The following C18orf32 variants were observed in gnomAD, a reference collection of about 807,000 sequenced individuals.
The protein encoded by C18orf32 is chromosome 18 open reading frame 32, also known as UPF0729 protein C18orf32.
Under a neutral mutation model 7.4 loss-of-function variants are expected in C18orf32, and 5 were observed. The ratio of observed to expected loss-of-function variants is 0.68; its 90% CI spans 0.35 to 1.42. The LOEUF is 1.42. Among genes scored for constraint, C18orf32 ranks in the 40% most tolerant of loss-of-function variants. C18orf32 has a pLI of 0.04. For missense variants in C18orf32, 88 were observed against 92.4 expected (o/e 0.95, Z 0.19); for synonymous variants, 30 against 29.3 (o/e 1.02, Z -0.08).
At chr18:49,483,856 G>A in intron 1 of C18orf32, 85 bp from the exon 2 acceptor site, 1 of 1,477,968 alleles carries the variant, frequency 6.8e-7, no homozygotes. Context: ...TCTGAAAGGG[G>A]ATAGATGTGG....
chr18:49,483,507 T>C, intron 2 of C18orf32, 77 bp downstream of exon 2: 4 of 1,474,072 alleles, frequency 2.7e-6, no homozygotes, highest in Non-Finnish European at 3.6e-6. Flanking sequence ...CTAAAACTTG[T>C]CCTTCCAAAA....
intron 1 of C18orf32, chr18:49,486,409 G>C (rs1041494290): frequency 6.6e-6 from 1 of 152,106 alleles, no homozygotes; most frequent in East Asian, 1.9e-4. Context: ...AAACTCTCGA[G>C]GACAAATACT....
Position 49,481,989 on chromosome 18 carries a change from G to T in C18orf32, c.*356C>A, listed in dbSNP as rs1413657905. 1 of 222,946 alleles carries T rather than the reference G, an allele frequency of 4.5e-6. No individual in the cohort carries two copies. The highest frequency in any genetic ancestry group is 8.8e-6 in the Non-Finnish European group (1 of 113,052). The allele number at this position is 222,946 out of a possible 1,614,324, so 13.8% of individuals were successfully genotyped here. ...TCCACTCAAATTAGAAGAGCCCAAAGAAATTAGAGCAAACAGCAAATTCAT... is the reference window on the plus strand; with the variant it reads ...TCCACTCAAATTAGAAGAGCCCAAATAAATTAGAGCAAACAGCAAATTCAT... On this transcript the variant is annotated 3_prime_UTR_variant, in exon 3 of 3. Transcript: ENST00000318240.
chr18:49,484,305 G>A lies in C18orf32; in HGVS notation c.-23-534C>T, dbSNP rs558840805. ...AAAAAGCTGCTATCTACAAGGTAAA[G>A]AAATAGGCCAGGTGCAGTGGCTCAT... On this transcript the variant is annotated intron_variant, in intron 1 of 2. Transcript: ENST00000318240. Among the ~76,000 whole-genome samples, 7 of 151,492 alleles carry A rather than the reference G, an allele frequency of 4.6e-5. No individual in the cohort carries two copies. The South Asian group carries it at 1.5e-3, about 32-fold the overall frequency.
In C18orf32 at chr18:49,487,056, G is replaced by C. The variant is rs1043691370; in HGVS notation, c.-37C>G. On this transcript the variant is annotated 5_prime_UTR_variant, in exon 1 of 3. Coordinates refer to ENST00000318240, the MANE Select transcript of C18orf32 (RefSeq NM_001035005.4). ...GAAGGAAGGTACCCTGAGAGCGAAG[G>C]CAGGCACCGCGGAGGCCGGCGGGCC... 3 of 153,680 alleles carry C rather than the reference G, an allele frequency of 2.0e-5. No individual in the cohort carries two copies. Among genetic ancestry groups the C allele is most frequent in the Non-Finnish European group, 4.3e-5 (3 of 69,380 alleles). The allele number at this position is 153,680 out of a possible 1,614,324, so 9.5% of individuals were successfully genotyped here. A position where few individuals can be genotyped will look rare whatever the true frequency, so the allele number is the denominator to read the frequency against.
intron 2 of C18orf32, among the ~76,000 whole-genome samples, chr18:49,482,712 C>A (rs888282422): frequency 1.4e-5 from 2 of 140,852 alleles, no homozygotes; most frequent in Non-Finnish European, 1.5e-5. Flanking sequence ...GGTGACAAAG[C>A]GAGACTTCAT....
chr18:49,485,571 A>AT (rs1387474280), intron 1 of C18orf32, among the ~76,000 whole-genome samples: 1 of 146,832 alleles, frequency 6.8e-6, no homozygotes, highest in Non-Finnish European at 1.5e-5. Flanking sequence ...AAAAAAAATA[A>AT]AAATAAAATA....
At chr18:49,485,280 C>T (rs1259885467) in intron 1 of C18orf32, among the ~76,000 whole-genome samples, 1 of 151,758 alleles carries the variant, frequency 6.6e-6, no homozygotes. Flanking sequence ...TGAGGCTGGG[C>T]GCGGTGGCTC....
At chr18:49,483,531 C>A in intron 2 of C18orf32, 53 bp downstream of exon 2, 2 of 1,503,970 alleles carry the variant, frequency 1.3e-6, no homozygotes, top group Non-Finnish European at 1.8e-6. Context: ...AGTGTTTCAC[C>A]CAAGTACCAC....
At position 49,477,929 on chromosome 18, in the gene C18orf32, C is replaced by CTATA. The variant is rs1218797932; in HGVS notation, c.*4412_*4415dup. On this transcript the variant is annotated 3_prime_UTR_variant, in exon 3 of 3. Transcript: ENST00000318240. ...TATATACACTATATATATATACACACTATATATATATATACACTATATATA... is the reference window on the plus strand; with the variant it reads ...TATATACACTATATATATATACACACTATATATATATATATATACACTATATATA... The CTATA allele has an allele frequency of 3.0e-4, 41 of 135,524 alleles. 3 individuals are homozygous for CTATA. The highest frequency in any genetic ancestry group is 1.2e-3 in the African/African-American group (40 of 33,214). The allele number at this position is 135,524 out of a possible 1,614,324, so 8.4% of individuals were successfully genotyped here.
Position 49,482,412 on chromosome 18 carries a change from TA to T in C18orf32, c.166-3del. The T allele has an allele frequency of 6.2e-7, 1 of 1,606,904 alleles. No homozygotes were observed. ...TGGTAATCCATTCATGTCTGCACCC[TA>T]AAATGAAAAAACATTTTAGAAATTA... On this transcript the variant is annotated splice_polypyrimidine_tract_variant and splice_region_variant and intron_variant, in intron 2 of 2. Transcript: ENST00000318240.
In C18orf32 at chr18:49,484,201, C is replaced by CACACACACATACAT. The variant is rs56983810; in HGVS notation, c.-23-431_-23-430insATGTATGTGTGTGT. Among the ~76,000 whole-genome samples, 19 of 117,802 alleles carry CACACACACATACAT rather than the reference C, an allele frequency of 1.6e-4. 1 individual carries two copies. The highest frequency in any genetic ancestry group is 7.5e-4 in the East Asian group (3 of 4,010). The allele number at this position is 117,802 out of a possible 152,430, so 77.3% of individuals were successfully genotyped here. ...ACACACACACACACACACACACACA[C>CACACACACATACAT]GAAAGGACTATTTCTACAGTGTAGG... On this transcript the variant is annotated intron_variant, in intron 1 of 2. Transcript: ENST00000318240.
intron 1 of C18orf32, chr18:49,484,525 C>G (rs957400883): frequency 2.0e-5 from 3 of 152,048 alleles, no homozygotes; most frequent in Non-Finnish European, 2.9e-5. Context: ...GAGGCAGAGG[C>G]TGCAGTGAGC....
chr18:49,483,918 C>T, intron 1 of C18orf32, 147 bp from the exon 2 acceptor site: 1 of 949,092 alleles, frequency 1.1e-6, no homozygotes, highest in Non-Finnish European at 1.5e-6. Context: ...ATAGCTTGAG[C>T]CCAGGAGTTT....
Position 49,480,219 on chromosome 18 carries a change from G to A in C18orf32, c.*2126C>T, listed in dbSNP as rs1241538721. 1 of 152,996 alleles carries A rather than the reference G, an allele frequency of 6.5e-6. No individual in the cohort carries two copies. The highest frequency in any genetic ancestry group is 1.5e-5 in the Non-Finnish European group (1 of 68,686). The allele number at this position is 152,996 out of a possible 1,614,324, so 9.5% of individuals were successfully genotyped here. ...TGTAGTCCTAGCAATTCAGGAGGCT[G>A]AGGTGGGAGGATCACTTGAGCCCAG... On this transcript the variant is annotated 3_prime_UTR_variant, in exon 3 of 3. Transcript: ENST00000318240.
Position 49,481,663 on chromosome 18 carries a change from G to A in C18orf32, c.*682C>T, listed in dbSNP as rs757498878. On this transcript the variant is annotated 3_prime_UTR_variant, in exon 3 of 3. Coordinates refer to ENST00000318240, the MANE Select transcript of C18orf32 (RefSeq NM_001035005.4). Reference sequence around the variant, plus strand: ...GACTTTAAAAGAAAATGAACTACCAGTTAAACTGAATGTTTAATACATTTG... The same window carrying A: ...GACTTTAAAAGAAAATGAACTACCAATTAAACTGAATGTTTAATACATTTG... 2 of 152,168 alleles carry A rather than the reference G, an allele frequency of 1.3e-5. No homozygotes were observed. The highest frequency in any genetic ancestry group is 2.4e-5 in the African/African-American group (1 of 41,426). 9.4% of individuals were successfully genotyped at this position (152,168 alleles called of 1,614,324 possible). A position where few individuals can be genotyped will look rare whatever the true frequency, so the allele number is the denominator to read the frequency against.
rs1164852694 is a variant in C18orf32, at chr18:49,479,212, A to C, written c.*3133T>G. ...AAAATTATCCATACTCAACCTCCTAAAAGTATTGAATTAGAAAACTGCTGT... is the reference window on the plus strand; with the variant it reads ...AAAATTATCCATACTCAACCTCCTACAAGTATTGAATTAGAAAACTGCTGT... On this transcript the variant is annotated 3_prime_UTR_variant, in exon 3 of 3. Coordinates refer to ENST00000318240, the MANE Select transcript of C18orf32 (RefSeq NM_001035005.4). The C allele has an allele frequency of 6.6e-6, 1 of 152,196 alleles. No individual in the cohort carries two copies. Among genetic ancestry groups the C allele is most frequent in the Non-Finnish European group, 1.5e-5 (1 of 68,050 alleles). The allele number at this position is 152,196 out of a possible 1,614,324, so 9.4% of individuals were successfully genotyped here.
In C18orf32 at chr18:49,487,174, C is replaced by T. The variant is rs901476006; in HGVS notation, c.-155G>A. ...CTGGGCCTGCGGAGCAGCTACAAAG[C>T]CCAACCCAGGCCGCTAGCCCGGGCA... On this transcript the variant is annotated 5_prime_UTR_variant, in exon 1 of 3. Coordinates refer to ENST00000318240, the MANE Select transcript of C18orf32 (RefSeq NM_001035005.4). 6.6e-6 allele frequency: 1 copy of T among 152,626 alleles called. No individual in the cohort carries two copies. The highest frequency in any genetic ancestry group is 1.5e-5 in the Non-Finnish European group (1 of 68,304). The allele number at this position is 152,626 out of a possible 1,614,324, so 9.5% of individuals were successfully genotyped here. A position where few individuals can be genotyped will look rare whatever the true frequency, so the allele number is the denominator to read the frequency against.
intron 2 of C18orf32, 84 bp downstream of exon 2, chr18:49,483,500 A>C: frequency 1.4e-6 from 2 of 1,462,028 alleles, no homozygotes; most frequent in South Asian, 2.9e-5. Flanking sequence ...TCTGGTTCTA[A>C]AACTTGTCCT....
Sources: allele counts gnomAD v4.1 joint callset (sites outside exome capture counted in the v4.1 genomes callset), GRCh38; gene constraint gnomAD v4.1.1; transcripts MANE v1.5; gene names NCBI Gene and HGNC (gene_info 2026-07-23, HGNC 2026-07-21).